Variants in ANKRD16 observed in about 807,000 individuals in gnomAD.
ANKRD16 encodes the protein ankyrin repeat domain 16.
In ANKRD16, 35 loss-of-function variants were observed where a neutral mutation model predicts 37.9. The observed-to-expected ratio is 0.92, with a 90% CI of 0.71 to 1.23. The LOEUF (loss-of-function observed/expected upper bound fraction) is 1.23, where lower values mean the gene tolerates loss of function less well. ANKRD16 is among the 50% of genes most tolerant of loss of function. The probability of loss-of-function intolerance (pLI) is 0.00; values close to 1 mark genes in which losing one functional copy is unlikely to be tolerated. For synonymous variants in ANKRD16, 206 were observed against 197.2 expected, an observed-to-expected ratio of 1.04 and a Z score of -0.37; for missense variants, 480 against 469.9, an observed-to-expected ratio of 1.02 and a Z score of -0.20.
Position 5,871,641 on chromosome 10 carries a change from T to A in ANKRD16, c.*33+6456A>T, listed in dbSNP as rs1306200880. On this transcript the variant is annotated intron_variant, in intron 7 of 7. Coordinates refer to ENST00000380094, the MANE Select transcript of ANKRD16 (RefSeq NM_019046.3). The surrounding 1 kb of genome is among the most constrained non-coding windows in gnomAD (Gnocchi z 4.5). ...CTTCTTGCCCTTCTTCTTTCCTTCA[T>A]GCCTCTGAGAAGGAAACTCTCCTTC... Among the ~76,000 whole-genome samples the A allele has an allele frequency of 6.6e-6, 1 of 151,948 alleles. No homozygotes were observed. Among genetic ancestry groups the A allele is most frequent in the Non-Finnish European group, 1.5e-5 (1 of 68,018 alleles).
intron 7 of ANKRD16, among the ~76,000 whole-genome samples, chr10:5,872,667 C>A (rs940031252): frequency 5.4e-5 from 8 of 149,044 alleles, no homozygotes; most frequent in Non-Finnish European, 1.0e-4. Context: ...CGCCATACTC[C>A]TGCCTCAGCC....
chr10:5,867,002 AAG>A (rs937616522), intron 7 of ANKRD16, among the ~76,000 whole-genome samples: 3 of 152,212 alleles, frequency 2.0e-5, no homozygotes, highest in Admixed American at 6.5e-5. Context: ...AAGAGAAAGA[AAG>A]AGAGATGGAA....
At position 5,878,410 on chromosome 10, in the gene ANKRD16, C is replaced by A. The variant is rs1842220468; in HGVS notation, c.929-123G>T. On this transcript the variant is annotated intron_variant, in intron 6 of 7. Transcript: ENST00000380094. The surrounding 1 kb of genome is among the most constrained non-coding windows in gnomAD (Gnocchi z 5.1). The stretch of plus-strand genomic sequence containing the variant: ...CAATATCTTCCGTAATCCATCTTCA[C>A]AACTTCACCTATACTAGATCAAAAT... 4.6e-6 allele frequency: 4 copies of A among 877,026 alleles called. No individual in the cohort carries two copies. Among genetic ancestry groups the A allele is most frequent in the Non-Finnish European group, 6.7e-6 (4 of 595,096 alleles). The allele number at this position is 877,026 out of a possible 1,614,324, so 54.3% of individuals were successfully genotyped here.
rs976059355 is a variant in ANKRD16 at position 5,865,452 on chromosome 10, G to A, written c.*34-2761C>T. Among the ~76,000 whole-genome samples the A allele has an allele frequency of 6.6e-6, 1 of 152,140 alleles. No individual in the cohort carries two copies. The highest frequency in any genetic ancestry group is 6.5e-5 in the Admixed American group (1 of 15,278). On this transcript the variant is annotated intron_variant, in intron 7 of 7. Transcript: ENST00000380094. The surrounding 1 kb of genome is among the most constrained non-coding windows in gnomAD (Gnocchi z 4.7). ...TTTAACTATTGAGGGCCAGGAAATCGACTTCCTCCTGGACAGTGGCATGGC... is the reference window on the plus strand; with the variant it reads ...TTTAACTATTGAGGGCCAGGAAATCAACTTCCTCCTGGACAGTGGCATGGC...
rs1842212341 is a variant in ANKRD16 at position 5,878,085 on chromosome 10, G to C, written c.*33+12C>G. On this transcript the variant is annotated intron_variant, in intron 7 of 7. Transcript: ENST00000380094. This position sits in a 1 kb window ranked among gnomAD's most constrained non-coding sequence, Gnocchi z 5.1. ...AATCTGTGACTGACTTAAGAAGCAG[G>C]ATATGAATTACCATGCACTTTATTG... 6.3e-7 allele frequency: 1 copy of C among 1,587,438 alleles called. No individual in the cohort carries two copies. The highest frequency in any genetic ancestry group is 8.6e-7 in the Non-Finnish European group (1 of 1,166,034).
In ANKRD16 at chr10:5,863,803, C is replaced by A. The variant is rs184686148; in HGVS notation, c.*34-1112G>T. Among the ~76,000 whole-genome samples, 2 of 152,266 alleles carry A rather than the reference C, an allele frequency of 1.3e-5. No individual in the cohort carries two copies. Among genetic ancestry groups the A allele is most frequent in the Non-Finnish European group, 2.9e-5 (2 of 68,018 alleles). On this transcript the variant is annotated intron_variant, in intron 7 of 7. Transcript: ENST00000380094. The surrounding 1 kb of genome is among the most constrained non-coding windows in gnomAD (Gnocchi z 4.7). ...GAACAAACAACTCTGGATGCACCAT[C>A]TTTAAGACTGTAACACTCACTGCGA...
At position 5,871,348 on chromosome 10, in the gene ANKRD16, T is replaced by C. The variant is rs900899858; in HGVS notation, c.*33+6749A>G. 1.3e-5 allele frequency among the ~76,000 whole-genome samples: 2 copies of C among 152,022 alleles called. No individual in the cohort carries two copies. The highest frequency in any genetic ancestry group is 1.9e-4 in the East Asian group (1 of 5,162). On this transcript the variant is annotated intron_variant, in intron 7 of 7. Coordinates refer to ENST00000380094, the MANE Select transcript of ANKRD16 (RefSeq NM_019046.3). This position sits in a 1 kb window ranked among gnomAD's most constrained non-coding sequence, Gnocchi z 4.5. ...GTTGCTGTGAGCCGAGATTGAGCCA[T>C]TGCACTCTAGCCTGGGCGACAGAGC...
rs1203819673 is a variant in ANKRD16, at chr10:5,866,796, G to A, written c.*34-4105C>T. Among the ~76,000 whole-genome samples, 2 of 152,024 alleles carry A rather than the reference G, an allele frequency of 1.3e-5. No homozygotes were observed. Among genetic ancestry groups the A allele is most frequent in the African/African-American group, 4.8e-5 (2 of 41,352 alleles). ...AAAGAGACAGACAGAGAGAAAGAGA[G>A]GAAGAGACAGAGACAAAGGAGTCAA... On this transcript the variant is annotated intron_variant, in intron 7 of 7. Coordinates refer to ENST00000380094, the MANE Select transcript of ANKRD16 (RefSeq NM_019046.3). This position sits in a 1 kb window ranked among gnomAD's most constrained non-coding sequence, Gnocchi z 4.3.
intron 7 of ANKRD16, among the ~76,000 whole-genome samples, chr10:5,872,091 A>C (rs1194752339): frequency 6.6e-6 from 1 of 152,190 alleles, no homozygotes; most frequent in African/African-American, 2.4e-5. Context: ...GCAACACACA[A>C]GACTCAATAT....
chr10:5,889,244 C>G lies in ANKRD16; in HGVS notation c.111G>C (p.Gly37=), dbSNP rs759147763. The G allele has an allele frequency of 5.2e-6, 8 of 1,529,652 alleles. No homozygotes were observed. The highest frequency in any genetic ancestry group is 4.4e-6 in the Non-Finnish European group (5 of 1,147,688). The allele number at this position is 1,529,652 out of a possible 1,614,324, so 94.8% of individuals were successfully genotyped here. Residue 37 remains glycine (G), a synonymous_variant, in exon 1 of 8, where the codon GGG becomes GGC. Transcript: ENST00000380094. ...QAAGGCPGPA[G]DTLLHCAARH... is the part of the protein sequence containing the mutation. ...GCGCGGCGCAGTGCAGGAGGGTATCCCCGGCCGGCCCCGGGCAGCCCCCGG... is the reference window on the plus strand; with the variant it reads ...GCGCGGCGCAGTGCAGGAGGGTATCGCCGGCCGGCCCCGGGCAGCCCCCGG...
At position 5,889,074 on chromosome 10, in the gene ANKRD16, C is replaced by G; in HGVS notation, c.281G>C (p.Gly94Ala). The G allele has an allele frequency of 1.9e-6, 3 of 1,564,568 alleles. No homozygotes were observed. The highest frequency in any genetic ancestry group is 2.6e-6 in the Non-Finnish European group (3 of 1,161,726). ...CTTCTTCAGGCAGTCGACCGCTGCC[C>G]CCCGGCCCAGCAGGTAGCGCACGCA... ...RDCVRYLLGR[G>A]AAVDCLKKAD... The change falls in exon 1 of 8, where the codon GGG becomes GCG. Residue 94 changes from glycine (G) to alanine (A), a missense_variant. Physicochemically the swap from Gly to Ala is moderately conservative, Grantham distance 60. Transcript: ENST00000380094.
intron 4 of ANKRD16, 53 bp downstream of exon 4, chr10:5,883,916 A>C: frequency 6.6e-7 from 1 of 1,517,808 alleles, no homozygotes. Context: ...TTAACCTGTG[A>C]CCTAAAATTT....
chr10:5,886,020 C>G (rs557472937), intron 2 of ANKRD16, among the ~76,000 whole-genome samples: 2 of 152,198 alleles, frequency 1.3e-5, no homozygotes, highest in Non-Finnish European at 2.9e-5. Flanking sequence ...TCATGGGAAA[C>G]TTTCAATCCT....
At chr10:5,877,498 T>A (rs367622723) in intron 7 of ANKRD16, among the ~76,000 whole-genome samples, 5 of 152,254 alleles carry the variant, frequency 3.3e-5, no homozygotes, top group Admixed American at 3.3e-4. Flanking sequence ...ACCCTCAAGA[T>A]TAAAACTTGA....
chr10:5,875,866 C>T (rs1842176950), intron 7 of ANKRD16, among the ~76,000 whole-genome samples: 1 of 151,966 alleles, frequency 6.6e-6, no homozygotes, highest in African/African-American at 2.4e-5. Flanking sequence ...GCGCCTGCCA[C>T]CATGCCAGGC....
intron 3 of ANKRD16, among the ~76,000 whole-genome samples, chr10:5,884,630 G>A (rs1212224172): frequency 6.6e-6 from 1 of 151,502 alleles, no homozygotes; most frequent in African/African-American, 2.4e-5. Context: ...TACTTAGGAG[G>A]TTGAGGCAGG....
chr10:5,885,648 T>G (rs567678125), intron 3 of ANKRD16, 75 bp downstream of exon 3: 23 of 1,523,476 alleles, frequency 1.5e-5, no homozygotes, highest in Admixed American at 7.1e-5. Context: ...GTGTCTGAGC[T>G]CTTTATGTAG....
intron 3 of ANKRD16, among the ~76,000 whole-genome samples, chr10:5,885,414 C>T (rs7089773): frequency 0.037 from 5,667 of 152,118 alleles, 284 homozygotes; most frequent in African/African-American, 0.11. Flanking sequence ...GATCTTCTGA[C>T]CTTGTGATCC....
chr10:5,887,039 T>C (rs1346993176), intron 2 of ANKRD16, among the ~76,000 whole-genome samples: 1 of 152,214 alleles, frequency 6.6e-6, no homozygotes, highest in African/African-American at 2.4e-5. Context: ...AGTAAGAATG[T>C]AAACATGATA....
Sources: allele counts gnomAD v4.1 joint callset (sites outside exome capture counted in the v4.1 genomes callset), GRCh38; gene constraint gnomAD v4.1.1; non-coding constraint Gnocchi (gnomAD v3.1); transcripts MANE v1.5; gene names NCBI Gene and HGNC (gene_info 2026-07-23, HGNC 2026-07-21).